MOB1B: variants seen among roughly 807,000 people sequenced by gnomAD.
The protein encoded by MOB1B is MOB kinase activator 1B.
MOB1B carries 19 observed loss-of-function variants against 24.4 expected under a neutral mutation model. The observed-to-expected ratio is 0.78, with a 90% confidence interval of 0.54 to 1.14. The LOEUF (loss-of-function observed/expected upper bound fraction) is 1.14, where lower values mean the gene tolerates loss of function less well. MOB1B is among the 50% of genes most tolerant of loss of function. The probability of loss-of-function intolerance (pLI) is 0.00; values close to 1 mark genes in which losing one functional copy is unlikely to be tolerated. For missense variants in MOB1B, 243 were observed against 259.6 expected (o/e 0.94, Z 0.44); for synonymous variants, 76 against 82.1 (o/e 0.93, Z 0.40).
intron 1 of MOB1B, among the ~76,000 whole-genome samples, chr4:70,944,562 A>G (rs898936508): frequency 2.0e-5 from 3 of 152,196 alleles, no homozygotes; most frequent in East Asian, 3.8e-4. Context: ...TTGCATTGCT[A>G]TAAGGAAATA....
chr4:70,955,617 C>A (rs1307925046), intron 1 of MOB1B, among the ~76,000 whole-genome samples: 1 of 151,216 alleles, frequency 6.6e-6, no homozygotes, highest in African/African-American at 2.4e-5. Flanking sequence ...ATTATAGGTG[C>A]GCACCACCAT....
intron 2 of MOB1B, among the ~76,000 whole-genome samples, chr4:70,965,718 G>T (rs1381740611): frequency 6.8e-6 from 1 of 146,810 alleles, no homozygotes; most frequent in African/African-American, 2.5e-5. Context: ...AATGGCGTGA[G>T]CCCGGGAGGC....
At chr4:70,907,493 C>T (rs191075269) in intron 1 of MOB1B, among the ~76,000 whole-genome samples, 22 of 152,160 alleles carry the variant, frequency 1.4e-4, no homozygotes, top group Admixed American at 7.9e-4. Flanking sequence ...TTATTTGGAA[C>T]GGAGTTAAAA....
At chr4:70,914,308 TA>T (rs1736112901) in intron 1 of MOB1B, among the ~76,000 whole-genome samples, 1 of 152,246 alleles carries the variant, frequency 6.6e-6, no homozygotes, top group African/African-American at 2.4e-5. Context: ...AGTGTGGATA[TA>T]AGGATTCCCA....
intron 1 of MOB1B, among the ~76,000 whole-genome samples, chr4:70,922,597 G>A (rs1373623527): frequency 3.3e-5 from 5 of 152,124 alleles, no homozygotes; most frequent in African/African-American, 4.8e-5. Context: ...AGGCAGGCCC[G>A]AATTAACACT....
intron 1 of MOB1B, among the ~76,000 whole-genome samples, chr4:70,906,644 C>G (rs931338040): frequency 1.3e-5 from 2 of 152,088 alleles, no homozygotes; most frequent in African/African-American, 4.8e-5. Flanking sequence ...GGAATGATAC[C>G]TTTGTGTAGC....
At chr4:70,924,339 G>T (rs991685462) in intron 1 of MOB1B, among the ~76,000 whole-genome samples, 2 of 152,146 alleles carry the variant, frequency 1.3e-5, no homozygotes, top group Non-Finnish European at 2.9e-5. Context: ...GTGAACAGCA[G>T]ACCAATTCAC....
At chr4:70,948,521 C>A (rs1737676737) in intron 1 of MOB1B, among the ~76,000 whole-genome samples, 1 of 152,172 alleles carries the variant, frequency 6.6e-6, no homozygotes, top group Non-Finnish European at 1.5e-5. Flanking sequence ...CTTCTCCATC[C>A]TTCCCTAATT....
chr4:70,909,005 T>A (rs951170283), intron 1 of MOB1B, among the ~76,000 whole-genome samples: 19 of 150,878 alleles, frequency 1.3e-4, no homozygotes, highest in Non-Finnish European at 2.4e-4. Flanking sequence ...GAGCCGAGAT[T>A]GTGCCATTGC....
chr4:70,935,090 C>CT (rs778137704), intron 1 of MOB1B, among the ~76,000 whole-genome samples: 1 of 152,042 alleles, frequency 6.6e-6, no homozygotes, highest in Non-Finnish European at 1.5e-5. Context: ...GTATGCCCGA[C>CT]TAATGTTTTA....
Position 70,982,350 on chromosome 4 carries a change from T to C in MOB1B, c.*293T>C. The C allele has an allele frequency of 4.3e-6, 1 of 233,336 alleles. No homozygotes were observed. Among genetic ancestry groups the C allele is most frequent in the Non-Finnish European group, 8.4e-6 (1 of 119,482 alleles). The allele number at this position is 233,336 out of a possible 1,614,324, so 14.5% of individuals were successfully genotyped here. A position where few individuals can be genotyped will look rare whatever the true frequency, so the allele number is the denominator to read the frequency against. On this transcript the variant is annotated 3_prime_UTR_variant, in exon 6 of 6. Transcript: ENST00000309395. ...AATATTGTGTGCTGCAAGAAAGTGC[T>C]TGTTGATTGAACTGCCGATGGATTG...
chr4:70,922,320 AAG>A (rs1220325886), intron 1 of MOB1B, among the ~76,000 whole-genome samples: 3 of 152,218 alleles, frequency 2.0e-5, no homozygotes, highest in Non-Finnish European at 4.4e-5. Context: ...TTTACACAAA[AAG>A]TTTACCTAAA....
chr4:70,910,435 A>G (rs574128339), intron 1 of MOB1B, among the ~76,000 whole-genome samples: 78 of 151,920 alleles, frequency 5.1e-4, no homozygotes, highest in African/African-American at 1.4e-3. Context: ...ATATATACAC[A>G]CATATGTATG....
At chr4:70,935,766 C>T (rs1248549205) in intron 1 of MOB1B, among the ~76,000 whole-genome samples, 2 of 151,790 alleles carry the variant, frequency 1.3e-5, no homozygotes, top group Non-Finnish European at 2.9e-5. Context: ...ACTTCTGCCT[C>T]CTGAGCTTAG....
intron 1 of MOB1B, among the ~76,000 whole-genome samples, chr4:70,920,345 CT>C (rs1438491247): frequency 6.6e-6 from 1 of 152,178 alleles, no homozygotes; most frequent in Non-Finnish European, 1.5e-5. Flanking sequence ...CTGCCTCAGC[CT>C]CCCAAGTAAC....
At chr4:70,932,999 G>A (rs1736938509) in intron 1 of MOB1B, among the ~76,000 whole-genome samples, 1 of 152,120 alleles carries the variant, frequency 6.6e-6, no homozygotes, top group African/African-American at 2.4e-5. Context: ...ACAAATACCA[G>A]AGACTGGGTA....
chr4:70,912,896 G>C (rs2148868438), intron 1 of MOB1B, among the ~76,000 whole-genome samples: 1 of 152,310 alleles, frequency 6.6e-6, no homozygotes, highest in Admixed American at 6.5e-5. Context: ...GAGTAGCTGG[G>C]ACTACAAGCA....
intron 1 of MOB1B, among the ~76,000 whole-genome samples, chr4:70,917,049 T>C (rs1736224395): frequency 6.6e-6 from 1 of 152,250 alleles, no homozygotes; most frequent in Non-Finnish European, 1.5e-5. Context: ...TTATGAGGGA[T>C]ACATTTCTAA....
In MOB1B at chr4:70,985,004, A is replaced by G. The variant is rs1479811209; in HGVS notation, c.*2947A>G. On this transcript the variant is annotated 3_prime_UTR_variant, in exon 6 of 6. Transcript: ENST00000309395. ...CATAAAATGTATTAGGTAGGAGAAG[A>G]TACGTTTTATGTATAATATATCTCA... 6.6e-6 allele frequency: 1 copy of G among 151,846 alleles called. No individual in the cohort carries two copies. Among genetic ancestry groups the G allele is most frequent in the Non-Finnish European group, 1.5e-5 (1 of 68,024 alleles). The allele number at this position is 151,846 out of a possible 1,614,324, so 9.4% of individuals were successfully genotyped here.
Sources: gnomAD v4.1 joint callset for allele counts (sites outside exome capture counted in the v4.1 genomes callset) on GRCh38, gnomAD v4.1.1 for gene constraint, MANE v1.5 for transcripts, NCBI Gene and HGNC (gene_info 2026-07-23, HGNC 2026-07-21) for gene names.